ASAH2: variants seen among roughly 807,000 people sequenced by gnomAD.
The protein encoded by ASAH2 is neutral ceramidase.
A neutral mutation model predicts 82.9 loss-of-function variants in ASAH2; 58 were observed. The ratio of observed to expected loss-of-function variants is 0.70; its 90% CI spans 0.57 to 0.87. ASAH2 has a LOEUF of 0.87. ASAH2 is among the 40% of genes least tolerant of loss of function. The pLI, the probability that ASAH2 is intolerant of heterozygous loss-of-function variation, is 0.00. For synonymous variants in ASAH2, 276 were observed against 289.7 expected, an observed-to-expected ratio of 0.95 and a Z score of 0.48; for missense variants, 779 against 834.0, an observed-to-expected ratio of 0.93 and a Z score of 0.81.
Position 50,238,844 on chromosome 10 carries a change from C to T in ASAH2, c.511-2780G>A, listed in dbSNP as rs919149424. ...ATTTTAAAACAAGAAAGACTACAAACGGTACACAGGAATTTTATTTTAAAC... is the reference window on the plus strand; with the variant it reads ...ATTTTAAAACAAGAAAGACTACAAATGGTACACAGGAATTTTATTTTAAAC... On this transcript the variant is annotated intron_variant, in intron 4 of 20. Transcript: ENST00000682911. Among the ~76,000 whole-genome samples, 185 of 152,188 alleles carry T rather than the reference C, an allele frequency of 1.2e-3. 2 individuals carry two copies. The highest frequency in any genetic ancestry group is 1.0e-2 in the South Asian group (48 of 4,820).
chr10:50,227,343 T>C (rs1192968381), intron 7 of ASAH2, among the ~76,000 whole-genome samples: 140,621 of 152,166 alleles, frequency 0.92, 65,992 homozygotes, highest in East Asian at 1. Context: ...ATACTTGTTT[T>C]TGCAGTGATG....
intron 12 of ASAH2, among the ~76,000 whole-genome samples, chr10:50,209,169 T>TA (rs1047567686): frequency 1.3e-5 from 2 of 152,086 alleles, no homozygotes; most frequent in Non-Finnish European, 2.9e-5. Flanking sequence ...AATGTAGAGC[T>TA]AAAACCATAA....
Position 50,236,547 on chromosome 10 carries a change from C to T in ASAH2, c.511-483G>A, listed in dbSNP as rs1480284623. Among the ~76,000 whole-genome samples the T allele has an allele frequency of 2.0e-5, 3 of 152,066 alleles. 1 individual carries two copies. In the South Asian group the frequency reaches 6.2e-4, roughly 32 times the overall value. ...AGACACAGACAAACTATATTAACAC[C>T]TCTTTCAAATGGCCCCTCACTGTAT... is the stretch of plus-strand genomic sequence containing the variant. On this transcript the variant is annotated intron_variant, in intron 4 of 20. Coordinates refer to ENST00000682911, the MANE Select transcript of ASAH2 (RefSeq NM_019893.4).
chr10:50,202,523 G>A (rs895908770), intron 16 of ASAH2, among the ~76,000 whole-genome samples: 6 of 152,072 alleles, frequency 3.9e-5, no homozygotes, highest in South Asian at 2.1e-4. Context: ...GGCATCAAAT[G>A]CATTAAGAAT....
chr10:50,194,182 C>T (rs1426993030), intron 18 of ASAH2, among the ~76,000 whole-genome samples: 3 of 150,984 alleles, frequency 2.0e-5, no homozygotes, highest in African/African-American at 7.3e-5. Context: ...CACTATTGCC[C>T]CAATACCAAA....
intron 17 of ASAH2, 89 bp downstream of exon 17, chr10:50,198,962 T>C: frequency 6.9e-7 from 1 of 1,447,622 alleles, no homozygotes; most frequent in Non-Finnish European, 9.7e-7. Context: ...CTCTGCATTT[T>C]CTTACCCAGA....
At chr10:50,195,745 A>G (rs1325206035) in intron 18 of ASAH2, among the ~76,000 whole-genome samples, 3 of 151,880 alleles carry the variant, frequency 2.0e-5, no homozygotes, top group African/African-American at 4.8e-5. Flanking sequence ...ATTTGATACA[A>G]CATGGATAAA....
At chr10:50,241,871 C>T (rs1294089318) in intron 4 of ASAH2, among the ~76,000 whole-genome samples, 1 of 152,038 alleles carries the variant, frequency 6.6e-6, no homozygotes, top group African/African-American at 2.4e-5. Flanking sequence ...GAACATCACA[C>T]ACTGGGGCCT....
chr10:50,193,531 C>G (rs1391227773), intron 18 of ASAH2, among the ~76,000 whole-genome samples: 1 of 151,470 alleles, frequency 6.6e-6, no homozygotes, highest in South Asian at 2.1e-4. Flanking sequence ...TTACAGAGAA[C>G]AGTCCCCAGG....
chr10:50,239,973 G>A (rs1846254350), intron 4 of ASAH2, among the ~76,000 whole-genome samples: 1 of 151,628 alleles, frequency 6.6e-6, no homozygotes, highest in African/African-American at 2.4e-5. Flanking sequence ...GGGACTACAG[G>A]CTCCTTCCAG....
chr10:50,196,223 T>C (rs1478986265), intron 18 of ASAH2, among the ~76,000 whole-genome samples: 22 of 151,848 alleles, frequency 1.4e-4, no homozygotes, highest in African/African-American at 4.6e-4. Flanking sequence ...AACATTCTAT[T>C]GAAGGTTCTA....
chr10:50,205,840 T>C (rs998655613), intron 13 of ASAH2, 142 bp downstream of exon 13: 10 of 734,058 alleles, frequency 1.4e-5, no homozygotes, highest in Middle Eastern at 3.5e-4. Context: ...ATGGAACCCA[T>C]TTTTTAATAT....
intron 16 of ASAH2, among the ~76,000 whole-genome samples, chr10:50,199,881 G>A (rs1845094849): frequency 6.6e-6 from 1 of 151,542 alleles, no homozygotes; most frequent in South Asian, 2.1e-4. Flanking sequence ...GGTACAAATA[G>A]ATTTCACCTT....
Position 50,242,192 on chromosome 10 carries a change from C to G in ASAH2, c.510+1010G>C, listed in dbSNP as rs1280851034. 1.8e-4 allele frequency among the ~76,000 whole-genome samples: 26 copies of G among 140,942 alleles called. 1 individual carries two copies. The highest frequency in any genetic ancestry group is 1.4e-3 in the Admixed American group (21 of 14,834). The allele number at this position is 140,942 out of a possible 152,430, so 92.5% of individuals were successfully genotyped here. A position where few individuals can be genotyped will look rare whatever the true frequency, so the allele number is the denominator to read the frequency against. On this transcript the variant is annotated intron_variant, in intron 4 of 20. Coordinates refer to ENST00000682911, the MANE Select transcript of ASAH2 (RefSeq NM_019893.4). Reference sequence around the variant, plus strand: ...GAAAATGGAAATACCAACAAAGCCACCTCACTGTTTTGTGAGTGCAGAAGT... The same window carrying G: ...GAAAATGGAAATACCAACAAAGCCAGCTCACTGTTTTGTGAGTGCAGAAGT...
chr10:50,211,767 C>A (rs944171442), intron 10 of ASAH2, among the ~76,000 whole-genome samples: 2 of 152,264 alleles, frequency 1.3e-5, no homozygotes, highest in Middle Eastern at 3.4e-3. Flanking sequence ...TTTCATCAAA[C>A]GTTCTCTTGC....
intron 12 of ASAH2, among the ~76,000 whole-genome samples, chr10:50,207,091 A>T (rs1229124336): frequency 6.6e-6 from 1 of 152,012 alleles, no homozygotes; most frequent in Non-Finnish European, 1.5e-5. Context: ...TAATCAAGGA[A>T]GAAATCAAAG....
chr10:50,210,921 A>AAAAAC lies in ASAH2; in HGVS notation c.1333-22_1333-18dup. 1 of 1,611,944 alleles carries AAAAAC rather than the reference A, an allele frequency of 6.2e-7. No individual in the cohort carries two copies. Among genetic ancestry groups the AAAAAC allele is most frequent in the Non-Finnish European group, 8.5e-7 (1 of 1,178,052 alleles). ...TGTTTTTGACTAAAGGAAAAGTTTTAAAAACAAAACAAAAATGAAAAAGAC... is the reference window on the plus strand; with the variant it reads ...TGTTTTTGACTAAAGGAAAAGTTTTAAAAACAAAACAAAACAAAAATGAAAAAGAC... On this transcript the variant is annotated splice_polypyrimidine_tract_variant and intron_variant, in intron 11 of 20. Transcript: ENST00000682911.
chr10:50,249,507 A>G (rs935164514), intron 1 of ASAH2, among the ~76,000 whole-genome samples: 6 of 152,194 alleles, frequency 3.9e-5, no homozygotes, highest in African/African-American at 1.4e-4. Flanking sequence ...CCAGCAGTCA[A>G]ATTTCATTTC....
chr10:50,193,208 A>G (rs1435249637), intron 18 of ASAH2, among the ~76,000 whole-genome samples: 1 of 151,086 alleles, frequency 6.6e-6, no homozygotes, highest in African/African-American at 2.4e-5. Flanking sequence ...TGGATTTTCA[A>G]GTGACAAAGA....
Sources: allele counts gnomAD v4.1 joint callset (sites outside exome capture counted in the v4.1 genomes callset), GRCh38; gene constraint gnomAD v4.1.1; transcripts MANE v1.5; gene names NCBI Gene and HGNC (gene_info 2026-07-23, HGNC 2026-07-21).